PPP1R37: variants seen among roughly 807,000 people sequenced by gnomAD.
The protein encoded by PPP1R37 is protein phosphatase 1 regulatory subunit 37.
A neutral mutation model predicts 61.0 loss-of-function variants in PPP1R37; 21 were observed. The ratio of observed to expected loss-of-function variants is 0.34; its 90% CI spans 0.24 to 0.50. The LOEUF (loss-of-function observed/expected upper bound fraction) is 0.50, where lower values mean the gene tolerates loss of function less well. PPP1R37 is among the 20% of genes least tolerant of loss of function. The pLI is 0.98. For synonymous variants in PPP1R37, 443 were observed against 433.5 expected, an observed-to-expected ratio of 1.02 and a Z score of -0.27; for missense variants, 910 against 952.7, an observed-to-expected ratio of 0.96 and a Z score of 0.59.
chr19:45,144,767 CTCTTCCCGGCTT>C (rs1968662230), intron 8 of PPP1R37, 75 bp from the exon 9 acceptor site: 2 of 1,205,296 alleles, frequency 1.7e-6, no homozygotes, highest in Admixed American at 2.6e-5. Context: ...GGGCCTGGCT[CTCTTCCCGGCTT>C]CTTTCCTGAC....
chr19:45,106,857 C>T (rs1276026535), intron 1 of PPP1R37, among the ~76,000 whole-genome samples: 4 of 127,466 alleles, frequency 3.1e-5, no homozygotes, highest in Non-Finnish European at 6.4e-5. Flanking sequence ...CGCTCTGTCA[C>T]CCAGGCTGGA....
At chr19:45,128,842 T>C (rs949162742) in intron 1 of PPP1R37, 1 of 621,604 alleles carries the variant, frequency 1.6e-6, no homozygotes, top group Non-Finnish European at 3.0e-6. Flanking sequence ...TCCCAGTTGA[T>C]TGGCATCCAG....
At chr19:45,140,111 T>C in intron 2 of PPP1R37, 125 bp from the exon 3 acceptor site, 2 of 790,782 alleles carry the variant, frequency 2.5e-6, no homozygotes, top group South Asian at 1.6e-5. Context: ...TGAGCCTCTG[T>C]TCAGTGCCTT....
intron 1 of PPP1R37, among the ~76,000 whole-genome samples, chr19:45,101,709 C>A (rs1339144190): frequency 1.7e-5 from 2 of 118,546 alleles, no homozygotes; most frequent in East Asian, 4.0e-4. Context: ...CAGAGTGAGA[C>A]CCTGTCTCAA....
Position 45,093,392 on chromosome 19 carries a change from G to A in PPP1R37, c.67G>A (p.Ala23Thr). The change falls in exon 1 of 13, where the codon GCT (alanine) becomes ACT (threonine). Residue 23 changes from alanine (A) to threonine (T), a missense_variant. Ala to Thr is a moderately conservative substitution (Grantham distance 58). Transcript: ENST00000221462. ...GGACGGCGACATTGAAGAGGCCCCA[G>A]CTGAGGCCGGGTCTCCCAGCCCCGC... is the stretch of plus-strand genomic sequence containing the variant. ...GADGDIEEAPAEAGSPSPASP... is the reference protein window; with the variant it reads ...GADGDIEEAPTEAGSPSPASP... The A allele has an allele frequency of 6.5e-7, 1 of 1,533,508 alleles. No individual in the cohort carries two copies. Among genetic ancestry groups the A allele is most frequent in the Non-Finnish European group, 8.7e-7 (1 of 1,145,546 alleles). The allele number at this position is 1,533,508 out of a possible 1,614,324, so 95.0% of individuals were successfully genotyped here.
At chr19:45,118,802 C>T (rs1040137729) in intron 1 of PPP1R37, among the ~76,000 whole-genome samples, 6 of 152,092 alleles carry the variant, frequency 3.9e-5, no homozygotes, top group African/African-American at 9.7e-5. Flanking sequence ...ACCTGCTGGC[C>T]GGGCCCCAGG....
intron 1 of PPP1R37, among the ~76,000 whole-genome samples, chr19:45,123,292 C>T (rs536347362): frequency 7.6e-4 from 115 of 152,182 alleles, no homozygotes; most frequent in Non-Finnish European, 1.5e-3. Flanking sequence ...ACCTCTCCCG[C>T]CCAGCACTGG....
chr19:45,122,924 C>T (rs1279493132), intron 1 of PPP1R37, among the ~76,000 whole-genome samples: 3 of 152,186 alleles, frequency 2.0e-5, no homozygotes, highest in Admixed American at 6.5e-5. Context: ...CACTCCAGGT[C>T]CCGATCTGTG....
intron 1 of PPP1R37, among the ~76,000 whole-genome samples, chr19:45,114,633 G>A (rs1223450484): frequency 6.6e-6 from 1 of 152,124 alleles, no homozygotes; most frequent in East Asian, 1.9e-4. Flanking sequence ...TCACTAGGTT[G>A]CTGTTACATG....
chr19:45,145,421 G>T lies in PPP1R37; in HGVS notation c.1365G>T (p.Leu455Phe). 6.5e-7 allele frequency: 1 copy of T among 1,535,410 alleles called. No homozygotes were observed. The highest frequency in any genetic ancestry group is 1.2e-5 in the South Asian group (1 of 84,052). ...AEIQNGCKRN[L>F]VLAREREEKE... is the part of the protein sequence containing the mutation. ...TCCAGAACGGCTGCAAGCGCAACTT[G>T]GTGCTGGCGCGGGAGAGGGAGGAGA... Residue 455 changes from leucine (L) to phenylalanine (F), a missense_variant, in exon 11 of 13, where the codon TTG becomes TTT. Leu to Phe is a conservative substitution (Grantham distance 22). Transcript: ENST00000221462.
chr19:45,135,958 T>G (rs1416305548), intron 1 of PPP1R37: 1 of 152,152 alleles, frequency 6.6e-6, no homozygotes, highest in Non-Finnish European at 1.5e-5. Flanking sequence ...AATTTTTGTA[T>G]TTTTAGTAGA....
At chr19:45,107,229 A>G (rs542750683) in intron 1 of PPP1R37, among the ~76,000 whole-genome samples, 1 of 151,904 alleles carries the variant, frequency 6.6e-6, no homozygotes, top group South Asian at 2.1e-4. Flanking sequence ...ACAGTGATTC[A>G]TGCCTATAAT....
At chr19:45,096,621 A>G (rs1456331643) in intron 1 of PPP1R37, among the ~76,000 whole-genome samples, 1 of 152,106 alleles carries the variant, frequency 6.6e-6, no homozygotes, top group Admixed American at 6.5e-5. Flanking sequence ...ATCTGTCAAG[A>G]AAAGAGGGGC....
chr19:45,099,505 C>G (rs1444108072), intron 1 of PPP1R37, among the ~76,000 whole-genome samples: 1 of 152,220 alleles, frequency 6.6e-6, no homozygotes, highest in African/African-American at 2.4e-5. Flanking sequence ...CACCCCAGCC[C>G]CCTGCCCTGT....
intron 1 of PPP1R37, among the ~76,000 whole-genome samples, chr19:45,094,820 T>C (rs937464230): frequency 5.3e-5 from 8 of 152,042 alleles, no homozygotes; most frequent in Non-Finnish European, 1.0e-4. Context: ...AAAAGTTGGC[T>C]ACTTGAAGTG....
chr19:45,115,581 GAAATGGGGAT>G lies in PPP1R37; in HGVS notation c.202+22057_202+22066del, dbSNP rs1262878433. On this transcript the variant is annotated intron_variant, in intron 1 of 12. Coordinates refer to ENST00000221462, the MANE Select transcript of PPP1R37 (RefSeq NM_019121.2). ...TTCTGTGGCCTCAGTTTCCCCATTT[GAAATGGGGAT>G]AATAAACCCTACCTATCTTAGGGTT... is the stretch of plus-strand genomic sequence containing the variant. 2.1e-3 allele frequency among the ~76,000 whole-genome samples: 315 copies of G among 152,274 alleles called. 1 individual carries two copies. The highest frequency in any genetic ancestry group is 7.2e-3 in the African/African-American group (300 of 41,548).
rs1355640023 is a variant in PPP1R37 at position 45,121,061 on chromosome 19, G to A, written c.203-17453G>A. Among the ~76,000 whole-genome samples, 4 of 152,236 alleles carry A rather than the reference G, an allele frequency of 2.6e-5. No homozygotes were observed. Among genetic ancestry groups the A allele is most frequent in the Admixed American group, 2.0e-4 (3 of 15,280 alleles). On this transcript the variant is annotated intron_variant, in intron 1 of 12. Transcript: ENST00000221462. This position sits in a 1 kb window ranked among gnomAD's most constrained non-coding sequence, Gnocchi z 4.2. ...CTCAGGGCCATTAGGAAGTGGAAAC[G>A]AGATCGAGTTTGTCAATCGCTTAGT... is the stretch of plus-strand genomic sequence containing the variant.
intron 2 of PPP1R37, 22 bp downstream of exon 2, chr19:45,138,633 T>C: frequency 3.5e-5 from 28 of 799,340 alleles, no homozygotes; most frequent in Non-Finnish European, 5.4e-5. Flanking sequence ...ACAGGGTGGG[T>C]GCGTCCGGTG....
chr19:45,124,910 G>A lies in PPP1R37; in HGVS notation c.203-13604G>A, dbSNP rs530347141. 4.1e-3 allele frequency among the ~76,000 whole-genome samples: 621 copies of A among 152,212 alleles called. 4 individuals are homozygous for A. Among genetic ancestry groups the A allele is most frequent in the African/African-American group, 0.014 (596 of 41,546 alleles). ...CACTTGAGCCCAGGAGTGCAAGGCT[G>A]CAGTGAGCTATGATTGAGCCGCTGA... On this transcript the variant is annotated intron_variant, in intron 1 of 12. Coordinates refer to ENST00000221462, the MANE Select transcript of PPP1R37 (RefSeq NM_019121.2).
Sources: gnomAD v4.1 joint callset for allele counts (sites outside exome capture counted in the v4.1 genomes callset) on GRCh38, gnomAD v4.1.1 for gene constraint, Gnocchi (gnomAD v3.1) non-coding constraint, MANE v1.5 for transcripts, NCBI Gene and HGNC (gene_info 2026-07-23, HGNC 2026-07-21) for gene names.